Variants in PCNX2 observed in about 807,000 individuals in gnomAD.
PCNX2 encodes the protein pecanex-like protein 2.
A neutral mutation model predicts 223.8 loss-of-function variants in PCNX2; 168 were observed. The ratio of observed to expected loss-of-function variants is 0.75; its 90% CI spans 0.66 to 0.85. The LOEUF (loss-of-function observed/expected upper bound fraction) is 0.85. Among genes scored for constraint, PCNX2 ranks in the 40% least tolerant of loss-of-function variants. The pLI is 0.00. For synonymous variants in PCNX2, 1,006 were observed against 1,052.6 expected, an observed-to-expected ratio of 0.96 and a Z score of 0.86; for missense variants, 2,507 against 2,675.5, an observed-to-expected ratio of 0.94 and a Z score of 1.39.
the PCNX2 span, among the ~76,000 whole-genome samples, chr1:233,307,058 T>G: frequency 1.3e-5 from 2 of 152,134 alleles, no homozygotes; most frequent in African/African-American, 4.8e-5. Flanking sequence ...GATAAAGAAA[T>G]AAAGTTACAT....
rs1369741057 is a variant in PCNX2 at position 232,991,478 on chromosome 1, A to C, written c.5792-4938T>G. ...GCGCGTGGGTGTTCCGGGCTGAATC[A>C]TGTTCCCTCCCCAGACTCCTCTGTT... On this transcript the variant is annotated intron_variant, in intron 32 of 33. Coordinates refer to ENST00000258229, the MANE Select transcript of PCNX2 (RefSeq NM_014801.4). The surrounding 1 kb of genome is among the most constrained non-coding windows in gnomAD (Gnocchi z 4.3). 1.3e-5 allele frequency among the ~76,000 whole-genome samples: 2 copies of C among 151,994 alleles called. No homozygotes were observed. The highest frequency in any genetic ancestry group is 2.9e-5 in the Non-Finnish European group (2 of 67,992).
At chr1:233,225,611 A>G (rs994744376) in intron 10 of PCNX2, among the ~76,000 whole-genome samples, 1 of 152,234 alleles carries the variant, frequency 6.6e-6, no homozygotes, top group African/African-American at 2.4e-5. Flanking sequence ...GCTTTTAAAA[A>G]GTGCGGTCAT....
Position 233,252,779 on chromosome 1 carries a change from G to A in PCNX2, c.1844C>T (p.Ser615Phe), listed in dbSNP as rs1474182206. Reference protein sequence around the residue: ...EESGLLRDNCSQEKKEEILEN... With the variant: ...EESGLLRDNCFQEKKEEILEN... ...CAGGATTTCCTCCTTTTTTTCCTGG[G>A]AACAGTTATCTGAAAAACATTGCTT... Residue 615 changes from serine to phenylalanine, a missense_variant, in exon 6 of 34, where the codon TCC becomes TTC. Physicochemically the swap from Ser to Phe is radical, Grantham distance 155. Coordinates refer to ENST00000258229, the MANE Select transcript of PCNX2 (RefSeq NM_014801.4). The A allele has an allele frequency of 6.2e-7, 1 of 1,607,100 alleles. No homozygotes were observed. The highest frequency in any genetic ancestry group is 2.2e-5 in the East Asian group (1 of 44,766).
intron 26 of PCNX2, among the ~76,000 whole-genome samples, chr1:233,018,117 G>A (rs1478868662): frequency 6.6e-6 from 1 of 152,148 alleles, no homozygotes; most frequent in African/African-American, 2.4e-5. Context: ...TGAACTCCTG[G>A]GCTCAAGCGA....
chr1:232,992,646 G>T (rs1345094899), intron 32 of PCNX2, among the ~76,000 whole-genome samples: 1 of 152,234 alleles, frequency 6.6e-6, no homozygotes, highest in African/African-American at 2.4e-5. Context: ...ACTGGCCACT[G>T]CCTGGCTGGG....
chr1:233,052,073 C>T (rs1271838450), intron 25 of PCNX2, among the ~76,000 whole-genome samples: 7 of 152,048 alleles, frequency 4.6e-5, no homozygotes, highest in Non-Finnish European at 7.4e-5. Context: ...TCACTAGTTC[C>T]CTGTTCAATA....
At chr1:233,218,231 A>AT (rs1657117424) in intron 10 of PCNX2, 47 bp from the exon 11 acceptor site, 1 of 962,548 alleles carries the variant, frequency 1.0e-6, no homozygotes, top group African/African-American at 1.8e-5. Context: ...AAAAAAAAAA[A>AT]AGTGTAAGTT....
intron 25 of PCNX2, among the ~76,000 whole-genome samples, chr1:233,050,958 G>C (rs543493770): frequency 6.6e-6 from 1 of 151,726 alleles, no homozygotes; most frequent in Admixed American, 6.6e-5. Context: ...ATGTATAAGG[G>C]AATTAAACAA....
chr1:233,285,283 T>C (rs1304085867), intron 1 of PCNX2, among the ~76,000 whole-genome samples: 1 of 150,088 alleles, frequency 6.7e-6, no homozygotes, highest in Non-Finnish European at 1.5e-5. Flanking sequence ...GCCCAAGTGT[T>C]TGAGGTTGCA....
intron 5 of PCNX2, among the ~76,000 whole-genome samples, chr1:233,254,883 C>T (rs1436192164): frequency 1.3e-5 from 2 of 152,110 alleles, no homozygotes; most frequent in Non-Finnish European, 2.9e-5. Flanking sequence ...TATAAATTTA[C>T]ATTGTTTCAA....
chr1:232,995,726 G>A (rs1434210396), intron 32 of PCNX2, among the ~76,000 whole-genome samples: 7 of 152,170 alleles, frequency 4.6e-5, no homozygotes, highest in Admixed American at 2.0e-4. Context: ...TTCCACAAAC[G>A]GGAAGCTGTG....
At chr1:233,032,962 T>C in intron 25 of PCNX2, 1 of 981,752 alleles carries the variant, frequency 1.0e-6, no homozygotes, top group Non-Finnish European at 1.2e-6. Context: ...TTTTGGAAAA[T>C]GCACTAATTG....
At chr1:233,263,204 A>C (rs372697912) in intron 1 of PCNX2, 41 bp from the exon 2 acceptor site, 2 of 1,476,246 alleles carry the variant, frequency 1.4e-6, no homozygotes, top group South Asian at 2.5e-5. Flanking sequence ...TTTGCTTTTA[A>C]GATTTTCTTT....
intron 1 of PCNX2, among the ~76,000 whole-genome samples, chr1:233,280,515 C>G (rs566449962): frequency 1.3e-5 from 2 of 152,236 alleles, no homozygotes; most frequent in East Asian, 3.9e-4. Context: ...CCAGACTGGT[C>G]TCGAACTCCT....
intron 32 of PCNX2, among the ~76,000 whole-genome samples, chr1:232,996,615 C>G (rs1451187435): frequency 6.6e-6 from 1 of 152,136 alleles, no homozygotes; most frequent in African/African-American, 2.4e-5. Context: ...AGCTTTCTTT[C>G]TGTCCTCTAT....
At chr1:233,217,672 C>G (rs888052446) in intron 12 of PCNX2, among the ~76,000 whole-genome samples, 8 of 152,160 alleles carry the variant, frequency 5.3e-5, no homozygotes, top group African/African-American at 1.4e-4. Context: ...TGCACACACT[C>G]TCCACCCACT....
At chr1:233,090,217 A>G in intron 22 of PCNX2, 27 bp from the exon 23 acceptor site, 3 of 1,596,468 alleles carry the variant, frequency 1.9e-6, no homozygotes, top group Non-Finnish European at 1.7e-6. Context: ...AAGGCAAAAA[A>G]AAAAATTATG....
intron 1 of PCNX2, among the ~76,000 whole-genome samples, chr1:233,272,347 A>G (rs1660681891): frequency 2.0e-5 from 3 of 151,980 alleles, no homozygotes; most frequent in African/African-American, 4.8e-5. Flanking sequence ...TGAATAGACA[A>G]TTATCAAAAG....
chr1:233,169,086 A>G (rs932822378), intron 17 of PCNX2, among the ~76,000 whole-genome samples: 4 of 152,160 alleles, frequency 2.6e-5, no homozygotes, highest in East Asian at 3.8e-4. Flanking sequence ...GGTTTTAAAA[A>G]TCAAATTATA....
Sources: allele counts gnomAD v4.1 joint callset (sites outside exome capture counted in the v4.1 genomes callset), GRCh38; gene constraint gnomAD v4.1.1; non-coding constraint Gnocchi (gnomAD v3.1); transcripts MANE v1.5; gene names NCBI Gene and HGNC (gene_info 2026-07-23, HGNC 2026-07-21).